The following HEXD variants were observed in gnomAD, a reference collection of about 807,000 sequenced individuals.
The protein encoded by HEXD is N-acetyl-beta-galactosaminidase.
A neutral mutation model predicts 54.2 loss-of-function variants in HEXD; 47 were observed. The ratio of observed to expected loss-of-function variants is 0.87; its 90% CI spans 0.69 to 1.11. The LOEUF (loss-of-function observed/expected upper bound fraction) is 1.11. Ranked by LOEUF, HEXD falls within the 50% of genes least tolerant of loss-of-function variation. The probability of loss-of-function intolerance (pLI) is 0.00; values close to 1 mark genes in which losing one functional copy is unlikely to be tolerated. For missense variants in HEXD, 576 were observed against 649.2 expected, an observed-to-expected ratio of 0.89 and a Z score of 1.23; for synonymous variants, 293 against 287.6, an observed-to-expected ratio of 1.02 and a Z score of -0.19.
Position 82,439,929 on chromosome 17 carries a change from G to A in HEXD, c.982+216G>A, listed in dbSNP as rs2053881407. 5 of 1,519,972 alleles carry A rather than the reference G, an allele frequency of 3.3e-6. No homozygotes were observed. In the African/African-American group the frequency reaches 4.1e-5, roughly 13 times the overall value. The allele number at this position is 1,519,972 out of a possible 1,614,324, so 94.2% of individuals were successfully genotyped here. A position where few individuals can be genotyped will look rare whatever the true frequency, so the allele number is the denominator to read the frequency against. On this transcript the variant is annotated intron_variant, in intron 9 of 12. Coordinates refer to ENST00000327949, the MANE Select transcript of HEXD (RefSeq NM_001330542.2). Reference sequence around the variant, plus strand: ...GGTCTCCAGGCCTAAGCCCAAAGCAGGCTGGAGAGTGACGCGGGAGGCACC... The same window carrying A: ...GGTCTCCAGGCCTAAGCCCAAAGCAAGCTGGAGAGTGACGCGGGAGGCACC...
intron 4 of HEXD, among the ~76,000 whole-genome samples, chr17:82,431,743 A>G (rs1166425521): frequency 6.6e-6 from 1 of 152,110 alleles, no homozygotes; most frequent in Non-Finnish European, 1.5e-5. Context: ...ATATATTCAT[A>G]GTAGTTTTCT....
At chr17:82,431,476 T>C (rs915394080) in intron 4 of HEXD, among the ~76,000 whole-genome samples, 1 of 151,322 alleles carries the variant, frequency 6.6e-6, no homozygotes, top group African/African-American at 2.4e-5. Context: ...TCACCCAGGC[T>C]GGAGTGCAGC....
chr17:82,430,637 C>T (rs2053548561), intron 4 of HEXD, among the ~76,000 whole-genome samples: 1 of 152,202 alleles, frequency 6.6e-6, no homozygotes, highest in Non-Finnish European at 1.5e-5. Flanking sequence ...GATCCGCCTG[C>T]GTCGGCCTCT....
At chr17:82,435,112 C>T (rs1176465342) in intron 5 of HEXD, among the ~76,000 whole-genome samples, 4 of 152,234 alleles carry the variant, frequency 2.6e-5, no homozygotes. Context: ...GATTGTGCCA[C>T]TGCACTCCAG....
chr17:82,424,645 T>C, intron 3 of HEXD, 142 bp downstream of exon 3: 1 of 580,184 alleles, frequency 1.7e-6, no homozygotes, highest in South Asian at 2.0e-5. Flanking sequence ...CTTTTTTGTC[T>C]TTTTAAATTC....
chr17:82,421,473 A>G (rs1473659009), intron 2 of HEXD, among the ~76,000 whole-genome samples: 3 of 152,232 alleles, frequency 2.0e-5, no homozygotes, highest in South Asian at 2.1e-4. Context: ...TGGCAGCAGT[A>G]GAGGAGGGGG....
Position 82,441,840 on chromosome 17 carries a change from A to C in HEXD, c.1204A>C (p.Lys402Gln). 6.2e-7 allele frequency: 1 copy of C among 1,613,152 alleles called. No individual in the cohort carries two copies. Among genetic ancestry groups the C allele is most frequent in the Non-Finnish European group, 8.5e-7 (1 of 1,179,974 alleles). ...GWFSPYHRQR[K>Q]LIHPVMVQHI... ...GTTCAGCCCCTACCACCGCCAGCGG[A>C]AGCTCATCCACCCGGTCATGGTTCA... Residue 402 changes from lysine (K) to glutamine (Q), a missense_variant, in exon 12 of 13, where the codon AAG becomes CAG. By Grantham distance (53) the Lys-to-Gln change is moderately conservative (BLOSUM62 1). Transcript: ENST00000327949.
At position 82,441,005 on chromosome 17, in the gene HEXD, G is replaced by C; in HGVS notation, c.991G>C (p.Asp331His). The C allele has an allele frequency of 6.2e-7, 1 of 1,613,502 alleles. No homozygotes were observed. The highest frequency in any genetic ancestry group is 8.5e-7 in the Non-Finnish European group (1 of 1,179,996). ...CLQLLLRGGF[D>H]EDVKAKVENL... ...CTCATTTGTGATTTCAGGAGGATTT[G>C]ATGAAGATGTTAAAGCGAAAGTGGA... Residue 331 changes from aspartate to histidine, a missense_variant, in exon 10 of 13, where the codon GAT (aspartate) becomes CAT (histidine). Coordinates refer to ENST00000327949, the MANE Select transcript of HEXD (RefSeq NM_001330542.2).
intron 11 of HEXD, 93 bp downstream of exon 11, chr17:82,441,359 G>A (rs1402924272): frequency 4.3e-6 from 6 of 1,381,052 alleles, no homozygotes; most frequent in Non-Finnish European, 4.8e-6. Flanking sequence ...AGGCAGGTGC[G>A]GGTGAGGGGC....
At chr17:82,433,899 C>A in intron 5 of HEXD, 77 bp downstream of exon 5, 1 of 1,335,100 alleles carries the variant, frequency 7.5e-7, no homozygotes, top group Non-Finnish European at 1.0e-6. Flanking sequence ...GAAAATCTTC[C>A]AGGCACTGAG....
At chr17:82,426,307 G>C (rs1404141118) in intron 3 of HEXD, 2 of 152,306 alleles carry the variant, frequency 1.3e-5, no homozygotes, top group Non-Finnish European at 2.9e-5. Flanking sequence ...TCCTTCAGCT[G>C]GGCCTTTGCC....
At chr17:82,433,624 C>T (rs540224748) in intron 4 of HEXD, 34 bp from the exon 5 acceptor site, 19 of 1,510,882 alleles carry the variant, frequency 1.3e-5, no homozygotes, top group Admixed American at 4.9e-5. Flanking sequence ...CCAGCTCCTC[C>T]GCCCCCAACG....
intron 4 of HEXD, 25 bp from the exon 5 acceptor site, chr17:82,433,633 C>T (rs765366851): frequency 1.2e-5 from 19 of 1,526,478 alleles, no homozygotes; most frequent in Middle Eastern, 1.7e-4. Flanking sequence ...CCGCCCCCAA[C>T]GCGAACTTCT....
chr17:82,436,022 G>C (rs191708750), intron 6 of HEXD, 150 bp downstream of exon 6: 2 of 782,100 alleles, frequency 2.6e-6, no homozygotes, highest in South Asian at 3.5e-5. Flanking sequence ...TCCCCTTGAC[G>C]CCAGGCCTGA....
At chr17:82,419,358 G>A (rs1023370480) in intron 1 of HEXD, among the ~76,000 whole-genome samples, 2 of 152,158 alleles carry the variant, frequency 1.3e-5, no homozygotes, top group African/African-American at 4.8e-5. Flanking sequence ...CTAAAATTTG[G>A]ATAAATTTCC....
chr17:82,418,590 A>T lies in HEXD; in HGVS notation c.-202A>T, dbSNP rs1599712938. 6.0e-6 allele frequency: 3 copies of T among 499,482 alleles called. No individual in the cohort carries two copies. The highest frequency in any genetic ancestry group is 9.0e-6 in the Non-Finnish European group (3 of 335,166). 30.9% of individuals were successfully genotyped at this position (499,482 alleles called of 1,614,324 possible). A position where few individuals can be genotyped will look rare whatever the true frequency, so the allele number is the denominator to read the frequency against. ...GGCACGGCGCAGGGACGCGAGTGCG[A>T]CGCGCTCGGCCATCGGCCCCTGGGC... is the stretch of plus-strand genomic sequence containing the variant. On this transcript the variant is annotated 5_prime_UTR_variant, in exon 1 of 13. Transcript: ENST00000327949.
chr17:82,437,604 C>G (rs1270487163), intron 8 of HEXD, among the ~76,000 whole-genome samples: 1 of 147,714 alleles, frequency 6.8e-6, no homozygotes, highest in African/African-American at 2.5e-5. Context: ...CCCATGCTAC[C>G]CGTGTGCGCC....
Position 82,442,426 on chromosome 17 carries a change from G to A in HEXD, c.*42G>A. The A allele has an allele frequency of 1.9e-6, 3 of 1,610,156 alleles. No individual in the cohort carries two copies. Among genetic ancestry groups the A allele is most frequent in the South Asian group, 2.2e-5 (2 of 91,038 alleles). ...AGGGGGCTCCTGCTGGAGGCTGGGG[G>A]GGCTCTGCACTGCCAAATGGCCTGG... is the stretch of plus-strand genomic sequence containing the variant. On this transcript the variant is annotated 3_prime_UTR_variant, in exon 13 of 13. Transcript: ENST00000327949. The surrounding 1 kb of genome is among the most constrained non-coding windows in gnomAD (Gnocchi z 6.8).
At chr17:82,433,217 G>T (rs935106703) in intron 4 of HEXD, among the ~76,000 whole-genome samples, 1 of 146,232 alleles carries the variant, frequency 6.8e-6, no homozygotes, top group Non-Finnish European at 1.5e-5. Context: ...CAAGGAAGGC[G>T]AATCACTTGT....
Sources: allele counts gnomAD v4.1 joint callset (sites outside exome capture counted in the v4.1 genomes callset), GRCh38; gene constraint gnomAD v4.1.1; non-coding constraint Gnocchi (gnomAD v3.1); transcripts MANE v1.5; gene names NCBI Gene and HGNC (gene_info 2026-07-23, HGNC 2026-07-21).